RYR2: variants seen among roughly 807,000 people sequenced by gnomAD.
RYR2 encodes the protein cardiac muscle ryanodine receptor-calcium release channel.
RYR2 carries 227 observed loss-of-function variants against 601.1 expected under a neutral mutation model. The observed-to-expected ratio is 0.38, with a 90% confidence interval of 0.34 to 0.42. The LOEUF (loss-of-function observed/expected upper bound fraction) is 0.42. RYR2 is among the 10% of genes least tolerant of loss of function. The pLI, the probability that RYR2 is intolerant of heterozygous loss-of-function variation, is 1.00. For synonymous variants in RYR2, 2,223 were observed against 2,175.1 expected (o/e 1.02, Z -0.61); for missense variants, 4,646 against 6,156.5 (o/e 0.75, Z 8.21).
intron 62 of RYR2, among the ~76,000 whole-genome samples, chr1:237,687,149 T>A (rs1377898827): frequency 1.3e-5 from 2 of 152,128 alleles, no homozygotes; most frequent in African/African-American, 4.8e-5. Context: ...GGGGTTCATA[T>A]AGATTGCTTT....
intron 2 of RYR2, among the ~76,000 whole-genome samples, chr1:237,311,787 A>G (rs558893565): frequency 1.1e-4 from 17 of 152,252 alleles, no homozygotes; most frequent in Non-Finnish European, 2.5e-4. Context: ...GACTGAAAAA[A>G]TCTTTAGAAC....
chr1:237,448,561 A>G (rs1382425862), intron 14 of RYR2, among the ~76,000 whole-genome samples: 1 of 152,044 alleles, frequency 6.6e-6, no homozygotes, highest in African/African-American at 2.4e-5. Flanking sequence ...TGTTCTACTA[A>G]TTACTGAGAG....
chr1:237,162,921 C>T (rs1558346042), intron 1 of RYR2, among the ~76,000 whole-genome samples: 2 of 152,240 alleles, frequency 1.3e-5, no homozygotes, highest in East Asian at 3.9e-4. Flanking sequence ...CAATCTGAGA[C>T]TCTCCAAGGG....
rs1707565290 is a variant in RYR2, at chr1:237,437,972, G to T, written c.1006-3347G>T. Among the ~76,000 whole-genome samples, 3 of 152,044 alleles carry T rather than the reference G, an allele frequency of 2.0e-5. No homozygotes were observed. The South Asian group carries it at 6.2e-4, about 32-fold the overall frequency. ...AATTTTATATAGTCTTTTGAAGGAG[G>T]TTTCCATTTAATAGCAAAATACTTA... On this transcript the variant is annotated intron_variant, in intron 12 of 104. Transcript: ENST00000366574.
chr1:237,631,842 A>T (rs370192066), intron 42 of RYR2, among the ~76,000 whole-genome samples: 1 of 142,642 alleles, frequency 7.0e-6, no homozygotes, highest in African/African-American at 2.7e-5. Context: ...GTTAGCCAGG[A>T]TGGTCTCGAT....
chr1:237,656,609 G>A (rs1216506861), intron 53 of RYR2, among the ~76,000 whole-genome samples: 3 of 152,202 alleles, frequency 2.0e-5, no homozygotes, highest in Non-Finnish European at 4.4e-5. Context: ...CCATGTGCAA[G>A]GAAAGCTGCC....
chr1:237,730,433 A>G (rs1245719116), intron 77 of RYR2, 77 bp downstream of exon 77: 15 of 754,252 alleles, frequency 2.0e-5, no homozygotes, highest in South Asian at 1.3e-4. Flanking sequence ...CAGTCATTAT[A>G]TAACATTGAA....
intron 17 of RYR2, among the ~76,000 whole-genome samples, chr1:237,474,644 G>A (rs147745452): frequency 5.9e-4 from 90 of 152,106 alleles, no homozygotes; most frequent in African/African-American, 2.1e-3. Flanking sequence ...CCCCATTCTG[G>A]CCTGTAATAT....
chr1:237,320,262 G>A (rs1226486184), intron 2 of RYR2, among the ~76,000 whole-genome samples: 1 of 152,076 alleles, frequency 6.6e-6, no homozygotes, highest in Non-Finnish European at 1.5e-5. Context: ...AAAAAATGCA[G>A]CGTATAAATA....
chr1:237,381,544 G>A (rs140620518), intron 8 of RYR2, among the ~76,000 whole-genome samples: 5 of 152,286 alleles, frequency 3.3e-5, no homozygotes, highest in East Asian at 1.9e-4. Flanking sequence ...ACCGATGAGC[G>A]ATTTTTCTTT....
chr1:237,569,180 G>A lies in RYR2; in HGVS notation c.3459G>A (p.Gly1153=). Reference sequence around the variant, plus strand: ...GGCATCAGGGCAATGAACACTATGGGCGCTCTTGGCAAGCAGGCGATGTCG... The same window carrying A: ...GGCATCAGGGCAATGAACACTATGGACGCTCTTGGCAAGCAGGCGATGTCG... ...QRWHQGNEHY[G]RSWQAGDVVG... The change falls in exon 29 of 105, where the codon GGG becomes GGA. Residue 1153 remains glycine, a synonymous_variant. Coordinates refer to ENST00000366574, the MANE Select transcript of RYR2 (RefSeq NM_001035.3). 2.5e-6 allele frequency: 4 copies of A among 1,613,846 alleles called. No homozygotes were observed. Among genetic ancestry groups the A allele is most frequent in the Middle Eastern group, 1.6e-4 (1 of 6,062 alleles).
intron 1 of RYR2, among the ~76,000 whole-genome samples, chr1:237,164,974 C>CT (rs33976720): frequency 7.4e-5 from 11 of 148,540 alleles, no homozygotes; most frequent in African/African-American, 2.7e-4. Context: ...GCTGTTTATT[C>CT]TTTTTTTTTT....
At chr1:237,534,971 T>G (rs1344632245) in intron 25 of RYR2, among the ~76,000 whole-genome samples, 1 of 152,028 alleles carries the variant, frequency 6.6e-6, no homozygotes, top group African/African-American at 2.4e-5. Context: ...CCTTTTTATT[T>G]TGTGAGAACA....
At chr1:237,731,743 A>T (rs1271900829) in intron 77 of RYR2, among the ~76,000 whole-genome samples, 1 of 152,170 alleles carries the variant, frequency 6.6e-6, no homozygotes, top group Non-Finnish European at 1.5e-5. Context: ...ATGGTAATGT[A>T]ACAGATATCT....
rs529100682 is a variant in RYR2, at chr1:237,294,295, C to T, written c.168+23679C>T. Among the ~76,000 whole-genome samples, 3 of 152,164 alleles carry T rather than the reference C, an allele frequency of 2.0e-5. No individual in the cohort carries two copies. The East Asian group carries it at 5.8e-4, about 29-fold the overall frequency. On this transcript the variant is annotated intron_variant, in intron 2 of 104. Coordinates refer to ENST00000366574, the MANE Select transcript of RYR2 (RefSeq NM_001035.3). Reference sequence around the variant, plus strand: ...TCATGGAGAGACTGACTGTGCTTGGCATTCCTTTTCTAATTTTCCTAGACA... The same window carrying T: ...TCATGGAGAGACTGACTGTGCTTGGTATTCCTTTTCTAATTTTCCTAGACA...
At chr1:237,392,273 A>T (rs1702448505) in intron 10 of RYR2, among the ~76,000 whole-genome samples, 1 of 152,138 alleles carries the variant, frequency 6.6e-6, no homozygotes, top group Admixed American at 6.5e-5. Context: ...CAGGGTAACT[A>T]TAGCCAACAA....
At chr1:237,099,236 G>C (rs1194565268) in intron 1 of RYR2, among the ~76,000 whole-genome samples, 2 of 151,882 alleles carry the variant, frequency 1.3e-5, no homozygotes, top group African/African-American at 4.8e-5. Context: ...AGTCTTGATG[G>C]CTTTTTAAAA....
chr1:237,305,009 A>G (rs1164594287), intron 2 of RYR2, among the ~76,000 whole-genome samples: 1 of 152,250 alleles, frequency 6.6e-6, no homozygotes, highest in Non-Finnish European at 1.5e-5. Flanking sequence ...ACAACGAGGT[A>G]TCATTTCACA....
intron 34 of RYR2, among the ~76,000 whole-genome samples, chr1:237,601,181 C>T (rs1676459753): frequency 6.6e-6 from 1 of 151,994 alleles, no homozygotes; most frequent in Non-Finnish European, 1.5e-5. Context: ...GGGAATCAGC[C>T]TAAGTGCCCA....
Sources: allele counts gnomAD v4.1 joint callset (sites outside exome capture counted in the v4.1 genomes callset), GRCh38; gene constraint gnomAD v4.1.1; transcripts MANE v1.5; gene names NCBI Gene and HGNC (gene_info 2026-07-23, HGNC 2026-07-21).